Variants in BLTP3B observed in about 807,000 individuals in gnomAD.
BLTP3B encodes bridge-like lipid transfer protein family member 3B, also known as UHRF1 (ICBP90) binding protein 1-like.
chr12:100,083,266 C>G, the BLTP3B span: 22 of 609,206 alleles, frequency 3.6e-5, no homozygotes, highest in Non-Finnish European at 6.1e-5. Flanking sequence ...TGTGGACATA[C>G]TTTATAAATT....
chr12:100,084,534 ATGATCCTTCACAGCCT>A, the BLTP3B span: 1 of 1,614,052 alleles, frequency 6.2e-7, no homozygotes, highest in Non-Finnish European at 8.5e-7. Flanking sequence ...AACCTACATT[ATGATCCTTCACAGCCT>A]GTTTAAGCAT....
chr12:100,102,944 T>C, the BLTP3B span: 1 of 889,772 alleles, frequency 1.1e-6, no homozygotes, highest in Non-Finnish European at 1.6e-6. Flanking sequence ...TTCTCTTTCA[T>C]TTTTCTTTAG....
chr12:100,089,019 A>G, the BLTP3B span: 2 of 1,611,976 alleles, frequency 1.2e-6, no homozygotes, highest in South Asian at 2.2e-5. Context: ...TAGTTTCACA[A>G]TTGCATCATT....
At chr12:100,098,550 A>G in the BLTP3B span, 4 of 1,597,428 alleles carry the variant, frequency 2.5e-6, no homozygotes, top group Non-Finnish European at 3.4e-6. Flanking sequence ...CACTGGAAAA[A>G]CAAAGCAAAA....
the BLTP3B span, among the ~76,000 whole-genome samples, chr12:100,097,769 T>C: frequency 6.6e-6 from 1 of 152,162 alleles, no homozygotes; most frequent in African/African-American, 2.4e-5. Context: ...ATGCATGAAA[T>C]CACGTTACCA....
the BLTP3B span, among the ~76,000 whole-genome samples, chr12:100,061,430 G>T: frequency 3.3e-5 from 5 of 152,126 alleles, no homozygotes; most frequent in African/African-American, 9.7e-5. Flanking sequence ...GGCCGAGGCG[G>T]GTGGATCACG....
At chr12:100,048,888 G>GT in the BLTP3B span, among the ~76,000 whole-genome samples, 1 of 151,322 alleles carries the variant, frequency 6.6e-6, no homozygotes, top group African/African-American at 2.4e-5. Flanking sequence ...TAAACACATA[G>GT]TTTAAAAACA....
chr12:100,138,971 A>C, the BLTP3B span, among the ~76,000 whole-genome samples: 1 of 152,010 alleles, frequency 6.6e-6, no homozygotes, highest in Non-Finnish European at 1.5e-5. Flanking sequence ...TTCCATTCCC[A>C]TGTGAAAAAC....
At chr12:100,104,050 C>A in the BLTP3B span, 1 of 753,230 alleles carries the variant, frequency 1.3e-6, no homozygotes, top group Non-Finnish European at 2.0e-6. Flanking sequence ...GACAGACACA[C>A]CAAATTATAT....
the BLTP3B span, chr12:100,098,574 T>A: frequency 3.0e-5 from 48 of 1,576,248 alleles, no homozygotes; most frequent in Non-Finnish European, 3.9e-5. Context: ...AATACACTAA[T>A]GACAAAACTA....
chr12:100,062,612 C>G, the BLTP3B span, among the ~76,000 whole-genome samples: 1 of 152,036 alleles, frequency 6.6e-6, no homozygotes, highest in African/African-American at 2.4e-5. Context: ...AAAAAAAGTA[C>G]AGATTATAGA....
At chr12:100,079,078 C>CT in the BLTP3B span, among the ~76,000 whole-genome samples, 1 of 152,188 alleles carries the variant, frequency 6.6e-6, no homozygotes, top group Non-Finnish European at 1.5e-5. Context: ...GTCTATTAAA[C>CT]TTTTTTCCTG....
chr12:100,057,616 A>G, the BLTP3B span: 73 of 1,611,608 alleles, frequency 4.5e-5, no homozygotes, highest in Middle Eastern at 3.3e-4. Flanking sequence ...CTTTCTAATA[A>G]CTGTTCTTCC....
the BLTP3B span, among the ~76,000 whole-genome samples, chr12:100,055,020 A>G: frequency 1.3e-5 from 2 of 152,180 alleles, no homozygotes; most frequent in African/African-American, 4.8e-5. Context: ...AATGTTTGCT[A>G]TTGTTGTTAT....
chr12:100,100,997 C>G, the BLTP3B span, among the ~76,000 whole-genome samples: 22 of 152,084 alleles, frequency 1.4e-4, no homozygotes, highest in African/African-American at 5.1e-4. Context: ...GCTTATGATA[C>G]TATAAAAACA....
the BLTP3B span, among the ~76,000 whole-genome samples, chr12:100,073,621 TACC>T: frequency 3.3e-5 from 5 of 152,014 alleles, no homozygotes; most frequent in South Asian, 2.1e-4. Flanking sequence ...AGTCATACCT[TACC>T]ACAATAAAAA....
chr12:100,065,390 G>A, the BLTP3B span, among the ~76,000 whole-genome samples: 5 of 152,046 alleles, frequency 3.3e-5, no homozygotes, highest in South Asian at 1.0e-3. Context: ...GAGCAGAACA[G>A]AGCCATATTT....
At chr12:100,111,577 G>A in the BLTP3B span, among the ~76,000 whole-genome samples, 2 of 151,916 alleles carry the variant, frequency 1.3e-5, no homozygotes, top group Admixed American at 6.6e-5. Flanking sequence ...ATGCCACCAT[G>A]CTCAGCTAGT....
At chr12:100,105,034 A>T in the BLTP3B span, among the ~76,000 whole-genome samples, 1 of 152,214 alleles carries the variant, frequency 6.6e-6, no homozygotes, top group African/African-American at 2.4e-5. Flanking sequence ...GGACTGGAAG[A>T]ATCTATACTG....
Sources: allele counts gnomAD v4.1 joint callset (sites outside exome capture counted in the v4.1 genomes callset), GRCh38; gene constraint gnomAD v4.1.1; transcripts MANE v1.5; gene names NCBI Gene and HGNC (gene_info 2026-07-23, HGNC 2026-07-21).